The following UNC13B variants were observed in gnomAD, a reference collection of about 807,000 sequenced individuals.
UNC13B encodes unc-13 homolog B.
In UNC13B, 144 loss-of-function variants were observed where a neutral mutation model predicts 211.0. The ratio of observed to expected loss-of-function variants is 0.68; its 90% confidence interval spans 0.60 to 0.78. The LOEUF is 0.78. Among genes scored for constraint, UNC13B ranks in the 30% least tolerant of loss-of-function variants. UNC13B has a pLI of 0.00. For missense variants in UNC13B, 1,777 were observed against 2,002.0 expected, an observed-to-expected ratio of 0.89 and a Z score of 2.14; for synonymous variants, 709 against 725.8, an observed-to-expected ratio of 0.98 and a Z score of 0.37.
At chr9:35,259,805 G>GC (rs1554693377) in intron 7 of UNC13B, among the ~76,000 whole-genome samples, 15 of 120,104 alleles carry the variant, frequency 1.2e-4, no homozygotes, top group African/African-American at 4.5e-4. Context: ...GCGGGGGGGG[G>GC]GGATTTTGAT....
intron 3 of UNC13B, among the ~76,000 whole-genome samples, chr9:35,235,321 A>T (rs1056954441): frequency 2.6e-5 from 4 of 152,160 alleles, no homozygotes; most frequent in Non-Finnish European, 4.4e-5. Context: ...GTCTCCAGGG[A>T]CTGAGTGGTG....
intron 25 of UNC13B, 152 bp downstream of exon 25, chr9:35,390,125 A>G: frequency 7.0e-7 from 1 of 1,431,448 alleles, no homozygotes; most frequent in Non-Finnish European, 9.4e-7. Context: ...TGTCTGGGTA[A>G]CTGTTTCTGG....
intron 6 of UNC13B, among the ~76,000 whole-genome samples, chr9:35,254,914 A>G (rs1402841638): frequency 3.7e-5 from 3 of 81,970 alleles, no homozygotes; most frequent in Non-Finnish European, 2.6e-5. Flanking sequence ...ATAATATATA[A>G]TATACATATA....
rs1324285039 is a variant in UNC13B, at chr9:35,301,554, C to T, written c.2150C>T (p.Thr717Met). 7 of 398,724 alleles carry T rather than the reference C, an allele frequency of 1.8e-5. No individual in the cohort carries two copies. The highest frequency in any genetic ancestry group is 1.2e-4 in the African/African-American group (6 of 48,600). The allele number at this position is 398,724 out of a possible 1,614,324, so 24.7% of individuals were successfully genotyped here. ...TTAAATGGGAGTGATGAAGAAACTA[C>T]GGGCTGGTTCCAGATGCCCACAAGT... ...IALNGSDEET[T>M]GWFQMPTSEN... The change falls in exon 9 of 40, where the codon ACG becomes ATG. Residue 717 changes from threonine to methionine, a missense_variant. Coordinates refer to ENST00000635942, the MANE Select transcript of UNC13B (RefSeq NM_001371189.2).
chr9:35,380,637 TG>T lies in UNC13B; in HGVS notation c.10375+1del, dbSNP rs1194498284. The T allele has an allele frequency of 6.2e-7, 1 of 1,614,074 alleles. No individual in the cohort carries two copies. On this transcript the variant is annotated frameshift_variant and splice_region_variant, in exon 18 of 40. Coordinates refer to ENST00000635942, the MANE Select transcript of UNC13B (RefSeq NM_001371189.2). LOFTEE classifies it high-confidence loss of function. ...GGCGAGATGGACGTCTGGTACAACT[TG>T]GGTGAGGAAACTGGACCCGAGAAAG... ...LSGEMDVWYN[L>X]EKRTDKSAVS...
chr9:35,382,633 GCTCAC>G, intron 21 of UNC13B, 126 bp downstream of exon 21: 1 of 1,130,262 alleles, frequency 8.8e-7, no homozygotes. Context: ...CGTGGTCTCG[GCTCAC>G]TGCAACTTCT....
intron 11 of UNC13B, among the ~76,000 whole-genome samples, chr9:35,366,634 G>C (rs1022032860): frequency 2.0e-5 from 3 of 152,134 alleles, no homozygotes; most frequent in Non-Finnish European, 4.4e-5. Flanking sequence ...CCTGTGCTTG[G>C]TTTACTGCTG....
intron 5 of UNC13B, among the ~76,000 whole-genome samples, chr9:35,239,897 G>A (rs1443944379): frequency 1.3e-5 from 2 of 152,140 alleles, no homozygotes; most frequent in East Asian, 3.8e-4. Flanking sequence ...CTGTTATCCT[G>A]TTCTTTTTTC....
intron 8 of UNC13B, among the ~76,000 whole-genome samples, chr9:35,297,510 G>A (rs556495888): frequency 4.3e-5 from 6 of 140,312 alleles, no homozygotes; most frequent in African/African-American, 1.4e-4. Context: ...AATGCTGGAT[G>A]TTTCCTTCAC....
At chr9:35,282,592 C>T (rs749547918) in intron 7 of UNC13B, among the ~76,000 whole-genome samples, 10 of 151,918 alleles carry the variant, frequency 6.6e-5, no homozygotes, top group Admixed American at 5.2e-4. Flanking sequence ...CCACCACACC[C>T]GGATAATTTT....
At chr9:35,178,885 CAAAAAAAAAAAAAAAAAAAA>C (rs35487632) in intron 1 of UNC13B, among the ~76,000 whole-genome samples, 2 of 61,120 alleles carry the variant, frequency 3.3e-5, no homozygotes, top group Admixed American at 2.1e-4. Flanking sequence ...GAGACAGCCT[CAAAAAAAAAAAAAAAAAAAA>C]AAAAGACAAT....
chr9:35,259,827 G>A (rs2131629885), intron 7 of UNC13B, among the ~76,000 whole-genome samples: 1 of 147,950 alleles, frequency 6.8e-6, no homozygotes, highest in East Asian at 2.0e-4. Context: ...CTTTTGTGTT[G>A]CTCTGTTTTT....
At chr9:35,378,250 G>A in intron 16 of UNC13B, 45 bp from the exon 17 acceptor site, 3 of 1,611,636 alleles carry the variant, frequency 1.9e-6, no homozygotes, top group Non-Finnish European at 2.5e-6. Context: ...GTTGTGGGGG[G>A]CTTCTGAACG....
At chr9:35,331,168 A>G (rs1261386819) in intron 11 of UNC13B, among the ~76,000 whole-genome samples, 1 of 152,228 alleles carries the variant, frequency 6.6e-6, no homozygotes, top group Non-Finnish European at 1.5e-5. Context: ...TCCTCTGTGA[A>G]AAAACATCCT....
chr9:35,282,669 A>G (rs1333315344), intron 7 of UNC13B, among the ~76,000 whole-genome samples: 1 of 152,116 alleles, frequency 6.6e-6, no homozygotes, highest in Non-Finnish European at 1.5e-5. Context: ...TCCTGACCTC[A>G]GGTGATCTGC....
chr9:35,365,953 A>G (rs544666405), intron 11 of UNC13B, among the ~76,000 whole-genome samples: 22 of 151,278 alleles, frequency 1.5e-4, no homozygotes, highest in Non-Finnish European at 2.9e-4. Flanking sequence ...ATCTGTCCCT[A>G]TTCTCCTCTG....
intron 7 of UNC13B, among the ~76,000 whole-genome samples, chr9:35,288,319 G>A (rs1349047470): frequency 6.6e-6 from 1 of 152,034 alleles, no homozygotes; most frequent in Non-Finnish European, 1.5e-5. Context: ...TGCCCTCCAG[G>A]TAATTCCAAA....
intron 12 of UNC13B, among the ~76,000 whole-genome samples, chr9:35,369,391 GGCCCAAAGT>G (rs542287239): frequency 2.0e-5 from 3 of 152,090 alleles, no homozygotes; most frequent in Non-Finnish European, 1.5e-5. Context: ...GCGTCACCAA[GGCCCAAAGT>G]GAAGAAGGAA....
chr9:35,258,425 T>G (rs111983766), intron 6 of UNC13B, among the ~76,000 whole-genome samples: 1 of 152,180 alleles, frequency 6.6e-6, no homozygotes, highest in African/African-American at 2.4e-5. Flanking sequence ...GTGTACTTGT[T>G]TTTGTGGTGG....
Sources: gnomAD v4.1 joint callset for allele counts (sites outside exome capture counted in the v4.1 genomes callset) on GRCh38, gnomAD v4.1.1 for gene constraint, MANE v1.5 for transcripts, NCBI Gene and HGNC (gene_info 2026-07-23, HGNC 2026-07-21) for gene names.